The following GALNT11 variants were observed in gnomAD, a reference collection of about 807,000 sequenced individuals.
GALNT11 encodes polypeptide N-acetylgalactosaminyltransferase 11.
In GALNT11, 47 loss-of-function variants were observed where a neutral mutation model predicts 72.7. The observed-to-expected ratio is 0.65, with a 90% CI of 0.51 to 0.82. The LOEUF is 0.82. Ranked by LOEUF, GALNT11 falls within the 40% of genes least tolerant of loss-of-function variation. GALNT11 has a pLI of 0.00. For synonymous variants in GALNT11, 270 were observed against 286.6 expected (o/e 0.94, Z 0.58); for missense variants, 677 against 778.4 (o/e 0.87, Z 1.55).
At chr7:152,068,490 T>C (rs1006278794) in intron 1 of GALNT11, among the ~76,000 whole-genome samples, 84 of 152,330 alleles carry the variant, frequency 5.5e-4, no homozygotes, top group Admixed American at 5.4e-3. Context: ...TATGCAGGTT[T>C]TTGTGTTGGT....
At chr7:152,027,389 T>C (rs1304223925) in intron 1 of GALNT11, among the ~76,000 whole-genome samples, 3 of 152,230 alleles carry the variant, frequency 2.0e-5, no homozygotes, top group Admixed American at 1.3e-4. Context: ...TATCCTTTGT[T>C]AGTGCTACAA....
chr7:152,075,582 G>A (rs998891311), intron 1 of GALNT11, among the ~76,000 whole-genome samples: 6 of 151,984 alleles, frequency 3.9e-5, no homozygotes, highest in Admixed American at 6.5e-5. Flanking sequence ...CAAGGCTGGC[G>A]GATCACCTGA....
intron 1 of GALNT11, among the ~76,000 whole-genome samples, chr7:152,068,253 C>A (rs976340365): frequency 6.6e-6 from 1 of 152,194 alleles, no homozygotes; most frequent in African/African-American, 2.4e-5. Context: ...TCCAGAATGT[C>A]ATACAATGGA....
intron 1 of GALNT11, among the ~76,000 whole-genome samples, chr7:152,026,931 T>C (rs983916083): frequency 1.3e-5 from 2 of 152,222 alleles, no homozygotes; most frequent in Non-Finnish European, 2.9e-5. Context: ...AGACACTCAT[T>C]TCGCTCAGAA....
chr7:152,089,874 AG>A (rs1483030449), intron 1 of GALNT11, among the ~76,000 whole-genome samples: 2 of 152,350 alleles, frequency 1.3e-5, no homozygotes, highest in East Asian at 3.9e-4. Context: ...AACTTTGAAG[AG>A]GAACTTTTTA....
chr7:152,026,429 G>C (rs888376928), intron 1 of GALNT11, among the ~76,000 whole-genome samples: 1 of 152,168 alleles, frequency 6.6e-6, no homozygotes, highest in Non-Finnish European at 1.5e-5. Context: ...TCACCCTTTG[G>C]CCAGGAGGAA....
At chr7:152,119,321 G>T (rs2089201916) in intron 10 of GALNT11, 1 of 152,060 alleles carries the variant, frequency 6.6e-6, no homozygotes. Flanking sequence ...AATAACTTCA[G>T]TTTAGAACGG....
In GALNT11 at chr7:152,068,279, A is replaced by G. The variant is rs78739129; in HGVS notation, c.-38-25911A>G. Among the ~76,000 whole-genome samples, 4 of 152,342 alleles carry G rather than the reference A, an allele frequency of 2.6e-5. No individual in the cohort carries two copies. The East Asian group carries it at 7.7e-4, about 29-fold the overall frequency. ...ATACAATGGAAAGCATTCAATATGT[A>G]GCCTTTTCAAGTTGGCGTCCTTCAT... On this transcript the variant is annotated intron_variant, in intron 1 of 11. Transcript: ENST00000430044.
intron 1 of GALNT11, among the ~76,000 whole-genome samples, chr7:152,034,845 T>C (rs1357873539): frequency 1.3e-5 from 2 of 152,040 alleles, no homozygotes; most frequent in Non-Finnish European, 2.9e-5. Context: ...CAATGCATTC[T>C]CAAAAATCTG....
At chr7:152,050,895 C>T (rs747942485) in intron 1 of GALNT11, among the ~76,000 whole-genome samples, 3 of 152,156 alleles carry the variant, frequency 2.0e-5, no homozygotes, top group Non-Finnish European at 2.9e-5. Flanking sequence ...TCCACTGTGA[C>T]AGGGCAGCAC....
intron 1 of GALNT11, among the ~76,000 whole-genome samples, chr7:152,053,000 C>T (rs1186145661): frequency 2.6e-5 from 4 of 152,222 alleles, no homozygotes; most frequent in Admixed American, 6.5e-5. Flanking sequence ...GTAAAGTTGA[C>T]GAGTGCGGGC....
At chr7:152,099,283 A>G (rs2086601084) in intron 2 of GALNT11, among the ~76,000 whole-genome samples, 1 of 152,028 alleles carries the variant, frequency 6.6e-6, no homozygotes, top group Non-Finnish European at 1.5e-5. Context: ...ACACCTGGAT[A>G]TTCATAAAAC....
intron 1 of GALNT11, among the ~76,000 whole-genome samples, chr7:152,041,740 A>C (rs528831448): frequency 2.6e-5 from 4 of 152,348 alleles, no homozygotes; most frequent in South Asian, 4.1e-4. Flanking sequence ...TAGATTACTC[A>C]TGGCATAGGT....
chr7:152,035,476 C>T (rs866485805), intron 1 of GALNT11, among the ~76,000 whole-genome samples: 1 of 152,138 alleles, frequency 6.6e-6, no homozygotes, highest in African/African-American at 2.4e-5. Context: ...AACATGACTT[C>T]GAGAGTTCTG....
chr7:152,050,543 A>G (rs1349292835), intron 1 of GALNT11, among the ~76,000 whole-genome samples: 1 of 152,110 alleles, frequency 6.6e-6, no homozygotes, highest in Non-Finnish European at 1.5e-5. Flanking sequence ...CCTCAAGTGG[A>G]AGGAAAGAGT....
At chr7:152,078,042 A>G (rs2085085652) in intron 1 of GALNT11, among the ~76,000 whole-genome samples, 2 of 151,944 alleles carry the variant, frequency 1.3e-5, no homozygotes, top group South Asian at 4.2e-4. Flanking sequence ...ACTGCTGAAG[A>G]GAAAAGTGAG....
chr7:152,114,988 G>C (rs564655168), intron 8 of GALNT11, among the ~76,000 whole-genome samples: 2 of 152,322 alleles, frequency 1.3e-5, no homozygotes, highest in South Asian at 2.1e-4. Flanking sequence ...GCTTGTGCTG[G>C]AATGACAGGG....
intron 10 of GALNT11, 78 bp from the exon 11 acceptor site, chr7:152,120,753 A>C: frequency 1.6e-6 from 2 of 1,254,822 alleles, no homozygotes; most frequent in Non-Finnish European, 2.3e-6. Context: ...TTACAGAATC[A>C]ATATGTGGAA....
chr7:152,119,199 T>G (rs1353756867), intron 10 of GALNT11: 1 of 152,840 alleles, frequency 6.5e-6, no homozygotes, highest in Non-Finnish European at 1.5e-5. Context: ...AGGAATTTGT[T>G]AGAAATGGCC....
Sources: allele counts gnomAD v4.1 joint callset (sites outside exome capture counted in the v4.1 genomes callset), GRCh38; gene constraint gnomAD v4.1.1; transcripts MANE v1.5; gene names NCBI Gene and HGNC (gene_info 2026-07-23, HGNC 2026-07-21).